TPP2: variants seen among roughly 807,000 people sequenced by gnomAD.
The protein encoded by TPP2 is tripeptidyl-peptidase 2.
A neutral mutation model predicts 155.9 loss-of-function variants in TPP2; 34 were observed. The ratio of observed to expected loss-of-function variants is 0.22; its 90% CI spans 0.17 to 0.29. The LOEUF (loss-of-function observed/expected upper bound fraction) is 0.29, where lower values mean the gene tolerates loss of function less well. TPP2 is among the 10% of genes least tolerant of loss of function. The pLI, the probability that TPP2 is intolerant of heterozygous loss-of-function variation, is 1.00. For synonymous variants in TPP2, 510 were observed against 529.4 expected, an observed-to-expected ratio of 0.96 and a Z score of 0.50; for missense variants, 1,028 against 1,522.3, an observed-to-expected ratio of 0.68 and a Z score of 5.40.
At position 102,623,045 on chromosome 13, in the gene TPP2, C is replaced by A. The variant is rs1419816689; in HGVS notation, c.784+5C>A. On this transcript the variant is annotated splice_donor_5th_base_variant and intron_variant, in intron 6 of 29. Coordinates refer to ENST00000376052, the MANE Select transcript of TPP2 (RefSeq NM_001330588.2). ...TCTCCATTGTGACCAGTGGAGGTAT[C>A]CCATTTCAGATTGACCAATGAGATA... The A allele has an allele frequency of 3.1e-6, 5 of 1,608,514 alleles. No homozygotes were observed. The highest frequency in any genetic ancestry group is 1.1e-5 in the South Asian group (1 of 89,858).
intron 19 of TPP2, 107 bp from the exon 20 acceptor site, chr13:102,646,187 T>C: frequency 1.4e-6 from 1 of 729,484 alleles, no homozygotes; most frequent in Non-Finnish European, 2.2e-6. Flanking sequence ...TCAGGAAGGT[T>C]CATCTGCACT....
In TPP2 at chr13:102,622,922, C is replaced by G. The variant is rs149008480; in HGVS notation, c.666C>G (p.Thr222=). 2.5e-6 allele frequency: 4 copies of G among 1,613,822 alleles called. No homozygotes were observed. Among genetic ancestry groups the G allele is most frequent in the South Asian group, 2.2e-5 (2 of 91,050 alleles). ...SNEDGDLSKS[T]VLRNYKEAQE... is the part of the protein sequence containing the mutation. ...AAGATGGGGACTTGAGTAAATCTACCGTGTTGAGAAACTACAAAGAAGCCC... is the reference window on the plus strand; with the variant it reads ...AAGATGGGGACTTGAGTAAATCTACGGTGTTGAGAAACTACAAAGAAGCCC... The change falls in exon 6 of 30, where the codon ACC becomes ACG. Residue 222 remains threonine, a synonymous_variant. Transcript: ENST00000376052.
chr13:102,605,042 T>G, intron 2 of TPP2, 121 bp downstream of exon 2: 1 of 1,416,258 alleles, frequency 7.1e-7, no homozygotes, highest in Non-Finnish European at 9.7e-7. Flanking sequence ...TCAGATTACC[T>G]CAGAACATCC....
rs1315527848 is a variant in TPP2, at chr13:102,644,549, A to T, written c.2176-8A>T. The T allele has an allele frequency of 6.3e-7, 1 of 1,592,008 alleles. No homozygotes were observed. The highest frequency in any genetic ancestry group is 8.6e-7 in the Non-Finnish European group (1 of 1,168,168). On this transcript the variant is annotated splice_region_variant and splice_polypyrimidine_tract_variant and intron_variant, in intron 17 of 29. Transcript: ENST00000376052. ...AAAGAGATATATTTTATTTACTTTT[A>T]TTTGCAGGGTGGAAAAGCAATTGAA... is the stretch of plus-strand genomic sequence containing the variant.
At position 102,640,287 on chromosome 13, in the gene TPP2, A is replaced by G; in HGVS notation, c.1931A>G (p.His644Arg). ...VIAAKVNESS[H>R]YDLAFTDVHF... ...ATTTTCAGAGTAAATGAATCATCACATTATGATCTAGCCTTTACAGATGTA... is the reference window on the plus strand; with the variant it reads ...ATTTTCAGAGTAAATGAATCATCACGTTATGATCTAGCCTTTACAGATGTA... Residue 644 changes from histidine (H) to arginine (R), a missense_variant, in exon 16 of 30, where the codon CAT becomes CGT. Coordinates refer to ENST00000376052, the MANE Select transcript of TPP2 (RefSeq NM_001330588.2). 2 of 1,606,520 alleles carry G rather than the reference A, an allele frequency of 1.2e-6. No individual in the cohort carries two copies. Among genetic ancestry groups the G allele is most frequent in the Non-Finnish European group, 1.7e-6 (2 of 1,175,214 alleles).
intron 27 of TPP2, among the ~76,000 whole-genome samples, chr13:102,665,628 C>A (rs1388630108): frequency 6.6e-6 from 1 of 152,136 alleles, no homozygotes; most frequent in Non-Finnish European, 1.5e-5. Flanking sequence ...AACTCTTAAA[C>A]CATCACCTCA....
chr13:102,602,746 G>A (rs1188037063), intron 1 of TPP2, among the ~76,000 whole-genome samples: 2 of 152,200 alleles, frequency 1.3e-5, no homozygotes, highest in South Asian at 2.1e-4. Flanking sequence ...GGGCATGTTG[G>A]TCAGAAAGAC....
chr13:102,665,760 C>T (rs1338491823), intron 27 of TPP2, among the ~76,000 whole-genome samples: 2 of 152,160 alleles, frequency 1.3e-5, no homozygotes, highest in Non-Finnish European at 2.9e-5. Flanking sequence ...TAAACCAAAA[C>T]TATTCAGGCT....
chr13:102,678,048 G>A (rs1885401679), intron 29 of TPP2, among the ~76,000 whole-genome samples, 179 bp from the exon 30 acceptor site: 1 of 152,160 alleles, frequency 6.6e-6, no homozygotes, highest in South Asian at 2.1e-4. Flanking sequence ...AAAGTTGGTT[G>A]ATAGTAAGAA....
At chr13:102,676,868 G>A (rs1265077323) in intron 29 of TPP2, among the ~76,000 whole-genome samples, 1 of 152,088 alleles carries the variant, frequency 6.6e-6, no homozygotes, top group Non-Finnish European at 1.5e-5. Flanking sequence ...TTATAGTTGA[G>A]GTTTCTGCAC....
intron 25 of TPP2, among the ~76,000 whole-genome samples, chr13:102,658,603 G>A (rs1350734498): frequency 2.0e-5 from 3 of 152,178 alleles, no homozygotes; most frequent in East Asian, 1.9e-4. Context: ...AGGACATTGA[G>A]CAAATGAAGA....
At chr13:102,631,990 T>G (rs1882048609) in intron 10 of TPP2, among the ~76,000 whole-genome samples, 1 of 152,132 alleles carries the variant, frequency 6.6e-6, no homozygotes, top group Admixed American at 6.6e-5. Flanking sequence ...GGCTCACGCC[T>G]GTAATCCCAC....
chr13:102,601,206 A>G (rs1042950830), intron 1 of TPP2, among the ~76,000 whole-genome samples: 1 of 152,186 alleles, frequency 6.6e-6, no homozygotes, highest in African/African-American at 2.4e-5. Context: ...AGATTGTCTT[A>G]TTTATATTAA....
At position 102,597,058 on chromosome 13, in the gene TPP2, A is replaced by G; in HGVS notation, c.20A>G (p.Glu7Gly). 6.2e-7 allele frequency: 1 copy of G among 1,611,938 alleles called. No homozygotes were observed. Among genetic ancestry groups the G allele is most frequent in the East Asian group, 2.2e-5 (1 of 44,800 alleles). MATAAT[E>G]EPFPFHGLLP... ...GCGTCCATGGCCACCGCTGCGACTG[A>G]GGAGCCCTTCCCTTTTCACGGTCTC... is the stretch of plus-strand genomic sequence containing the variant. The change falls in exon 1 of 30, where the codon GAG becomes GGG. Residue 7 changes from glutamate to glycine, a missense_variant. Glu to Gly is a moderately conservative substitution (Grantham distance 98). Coordinates refer to ENST00000376052, the MANE Select transcript of TPP2 (RefSeq NM_001330588.2).
At chr13:102,676,169 T>C in intron 28 of TPP2, 127 bp from the exon 29 acceptor site, 1 of 848,450 alleles carries the variant, frequency 1.2e-6, no homozygotes, top group Non-Finnish European at 1.7e-6. Context: ...TTTTTAAAAA[T>C]GTACTCTATG....
At chr13:102,609,585 C>T (rs1031921053) in intron 2 of TPP2, among the ~76,000 whole-genome samples, 1 of 151,660 alleles carries the variant, frequency 6.6e-6, no homozygotes, top group African/African-American at 2.4e-5. Flanking sequence ...TTAGTAGAGA[C>T]AGGGTTTCAC....
At chr13:102,670,040 C>A (rs1488445630) in intron 27 of TPP2, among the ~76,000 whole-genome samples, 1 of 152,114 alleles carries the variant, frequency 6.6e-6, no homozygotes, top group Admixed American at 6.6e-5. Context: ...ATTAAGGCTC[C>A]AACCTCAGCT....
chr13:102,623,559 A>G (rs967012449), intron 6 of TPP2, among the ~76,000 whole-genome samples: 3 of 152,232 alleles, frequency 2.0e-5, no homozygotes, highest in Non-Finnish European at 2.9e-5. Flanking sequence ...GCGAAACTCC[A>G]TCTCAAAAAA....
chr13:102,608,716 CTTCCTCCTG>C (rs914543664), intron 2 of TPP2, among the ~76,000 whole-genome samples: 1 of 151,974 alleles, frequency 6.6e-6, no homozygotes, highest in African/African-American at 2.4e-5. Context: ...CTTCCCTCCC[CTTCCTCCTG>C]TTCTCCTTTC....
Sources: allele counts gnomAD v4.1 joint callset (sites outside exome capture counted in the v4.1 genomes callset), GRCh38; gene constraint gnomAD v4.1.1; transcripts MANE v1.5; gene names NCBI Gene and HGNC (gene_info 2026-07-23, HGNC 2026-07-21).